ABCB9: variants seen among roughly 807,000 people sequenced by gnomAD.
ABCB9 encodes the protein ATP binding cassette subfamily B member 9.
ABCB9 carries 36 observed loss-of-function variants against 62.0 expected under a neutral mutation model. That is an observed-to-expected ratio of 0.58 (90% CI 0.45 to 0.77). The LOEUF is 0.77. Ranked by LOEUF, ABCB9 falls within the 30% of genes least tolerant of loss-of-function variation. The probability of loss-of-function intolerance (pLI) is 0.00; values close to 1 mark genes in which losing one functional copy is unlikely to be tolerated. For missense variants in ABCB9, 943 were observed against 1,054.7 expected (o/e 0.89, Z 1.47); for synonymous variants, 435 against 461.4 (o/e 0.94, Z 0.73).
At chr12:122,931,684 C>G (rs1468614666) in intron 11 of ABCB9, 1 of 161,010 alleles carries the variant, frequency 6.2e-6, no homozygotes, top group Non-Finnish European at 1.4e-5. Context: ...GGCTCTGTCG[C>G]CCAGGCTGGA....
chr12:122,922,356 T>A (rs984035023), intron 11 of ABCB9, among the ~76,000 whole-genome samples: 6 of 152,126 alleles, frequency 3.9e-5, no homozygotes, highest in African/African-American at 1.2e-4. Flanking sequence ...TCTTTTTAAT[T>A]TTTTTATTTT....
chr12:122,934,998 A>G lies in ABCB9; in HGVS notation c.1903+274T>C, dbSNP rs1220047187. 2.6e-5 allele frequency among the ~76,000 whole-genome samples: 4 copies of G among 152,006 alleles called. No individual in the cohort carries two copies. In the South Asian group the frequency reaches 6.2e-4, roughly 24 times the overall value. On this transcript the variant is annotated intron_variant, in intron 10 of 11. Transcript: ENST00000280560. ...TCTACTTCCTCTTTTTCCCAGCAGC[A>G]TAATATTCCAGTGTATGGGCTTCTA...
chr12:122,961,804 T>C lies in ABCB9; in HGVS notation c.-87-1482A>G, dbSNP rs148377861. 4.9e-3 allele frequency among the ~76,000 whole-genome samples: 745 copies of C among 152,344 alleles called. 22 individuals carry two copies. The highest frequency in any genetic ancestry group is 0.045 in the Admixed American group (684 of 15,294). On this transcript the variant is annotated intron_variant, in intron 1 of 11. Transcript: ENST00000280560. ...TCATTTCTCTGAACCTGTTTCCTCATTTGCAAAATGTGAGTGTGAGGTTCA... is the reference window on the plus strand; with the variant it reads ...TCATTTCTCTGAACCTGTTTCCTCACTTGCAAAATGTGAGTGTGAGGTTCA...
chr12:122,965,121 C>A (rs531162209), intron 1 of ABCB9, among the ~76,000 whole-genome samples: 1 of 152,270 alleles, frequency 6.6e-6, no homozygotes, highest in Admixed American at 6.5e-5. Flanking sequence ...CCTGGGAGGA[C>A]CCTGTGGTCA....
At chr12:122,957,689 A>G (rs1225279143) in intron 2 of ABCB9, among the ~76,000 whole-genome samples, 7 of 143,274 alleles carry the variant, frequency 4.9e-5, no homozygotes, top group Non-Finnish European at 9.2e-5. Context: ...TTGGTCTCAA[A>G]CTGCTGAGAG....
At chr12:122,931,010 T>G (rs2035125782) in intron 11 of ABCB9, among the ~76,000 whole-genome samples, 1 of 152,100 alleles carries the variant, frequency 6.6e-6, no homozygotes, top group Non-Finnish European at 1.5e-5. Context: ...ATCCCCATTC[T>G]GTTTTTTGTT....
downstream of ABCB9, among the ~76,000 whole-genome samples, chr12:122,920,338 C>A (rs931278455): frequency 6.8e-6 from 1 of 147,692 alleles, no homozygotes; most frequent in East Asian, 2.0e-4. Flanking sequence ...GTGCAACAAG[C>A]AGCCCTTAGT....
In ABCB9 at chr12:122,930,460, T is replaced by C. The variant is rs1254531200; in HGVS notation, c.2041-289A>G. On this transcript the variant is annotated intron_variant, in intron 11 of 11. Transcript: ENST00000280560. This position sits in a 1 kb window ranked among gnomAD's most constrained non-coding sequence, Gnocchi z 4.9. ...AGTCTTGCTGTCACCCAGGCTGGAGTGCGGTGGTGCGATCTCAGCTCACTG... is the reference window on the plus strand; with the variant it reads ...AGTCTTGCTGTCACCCAGGCTGGAGCGCGGTGGTGCGATCTCAGCTCACTG... Among the ~76,000 whole-genome samples the C allele has an allele frequency of 7.0e-6, 1 of 143,708 alleles. No homozygotes were observed. Among genetic ancestry groups the C allele is most frequent in the South Asian group, 2.2e-4 (1 of 4,560 alleles). 94.3% of individuals were successfully genotyped at this position (143,708 alleles called of 152,430 possible). A position where few individuals can be genotyped will look rare whatever the true frequency, so the allele number is the denominator to read the frequency against.
In ABCB9 at chr12:122,940,708, T is replaced by C. The variant is rs2035709465; in HGVS notation, c.1569+99A>G. ...TGGAGGGCAATGATCTTGCCTGACATATTCCCAGCTGCCCTGCCACAGCCT... is the reference window on the plus strand; with the variant it reads ...TGGAGGGCAATGATCTTGCCTGACACATTCCCAGCTGCCCTGCCACAGCCT... On this transcript the variant is annotated intron_variant, in intron 8 of 11. Coordinates refer to ENST00000280560, the MANE Select transcript of ABCB9 (RefSeq NM_019625.4). This position sits in a 1 kb window ranked among gnomAD's most constrained non-coding sequence, Gnocchi z 4.8. 56 of 1,394,962 alleles carry C rather than the reference T, an allele frequency of 4.0e-5. 1 individual carries two copies. The South Asian group carries it at 8.1e-4, about 20-fold the overall frequency. The allele number at this position is 1,394,962 out of a possible 1,614,324, so 86.4% of individuals were successfully genotyped here.
intron 11 of ABCB9, among the ~76,000 whole-genome samples, chr12:122,922,998 T>TG (rs1035089182): frequency 2.0e-5 from 3 of 152,038 alleles, no homozygotes; most frequent in Non-Finnish European, 2.9e-5. Flanking sequence ...TTAGTAGAGA[T>TG]GGGGTCTCAC....
rs2034992323 is a variant in ABCB9 at position 122,928,994 on chromosome 12, A to G, written c.*917T>C. The G allele has an allele frequency of 1.0e-6, 1 of 985,872 alleles. No individual in the cohort carries two copies. Among genetic ancestry groups the G allele is most frequent in the East Asian group, 1.1e-4 (1 of 8,800 alleles). The allele number at this position is 985,872 out of a possible 1,614,324, so 61.1% of individuals were successfully genotyped here. ...TTGGCCCAAGTAGAAGTCAGAGGTT[A>G]GGGGTAAGAGGTAGTACACTTTATT... On this transcript the variant is annotated 3_prime_UTR_variant, in exon 12 of 12. Coordinates refer to ENST00000280560, the MANE Select transcript of ABCB9 (RefSeq NM_019625.4).
intron 4 of ABCB9, 49 bp downstream of exon 4, chr12:122,949,739 A>C (rs1195432774): frequency 1.2e-6 from 2 of 1,608,440 alleles, no homozygotes; most frequent in African/African-American, 2.7e-5. Context: ...GCAAGCCCAC[A>C]GGGGTGGGGC....
chr12:122,973,350 G>A (rs1367030257), intron 1 of ABCB9: 3 of 151,288 alleles, frequency 2.0e-5, no homozygotes, highest in Non-Finnish European at 4.4e-5. Context: ...GGATCATGAG[G>A]TCAGGAGATC....
At chr12:122,939,977 G>T in intron 9 of ABCB9, 134 bp downstream of exon 9, 1 of 1,157,710 alleles carries the variant, frequency 8.6e-7, no homozygotes, top group Non-Finnish European at 1.2e-6. Context: ...CTCTAGGAGG[G>T]CATTGTAATT....
chr12:122,971,034 G>A (rs1371353376), upstream of ABCB9, among the ~76,000 whole-genome samples: 1 of 152,136 alleles, frequency 6.6e-6, no homozygotes, highest in Non-Finnish European at 1.5e-5. Context: ...AGTAGGCAGG[G>A]CACAGAGGAT....
At chr12:122,956,771 C>T (rs1296816972) in intron 2 of ABCB9, among the ~76,000 whole-genome samples, 6 of 152,196 alleles carry the variant, frequency 3.9e-5, no homozygotes, top group African/African-American at 1.2e-4. Context: ...CCACTTGCCT[C>T]GGCCTCCCAA....
At chr12:122,960,674 T>C (rs2036844420) in intron 1 of ABCB9, among the ~76,000 whole-genome samples, 1 of 150,564 alleles carries the variant, frequency 6.6e-6, no homozygotes, top group Non-Finnish European at 1.5e-5. Flanking sequence ...GGTCAGGAGT[T>C]GAAGACCAGC....
chr12:122,945,810 G>A lies in ABCB9; in HGVS notation c.1251+215C>T, dbSNP rs373478454. ...GGAGAATCGCTTGAACCCAGGAGGC[G>A]GAGGTTGCAGTGAGCTGAGATGGTG... On this transcript the variant is annotated intron_variant, in intron 6 of 11. Coordinates refer to ENST00000280560, the MANE Select transcript of ABCB9 (RefSeq NM_019625.4). Among the ~76,000 whole-genome samples, 10 of 151,372 alleles carry A rather than the reference G, an allele frequency of 6.6e-5. No homozygotes were observed. The East Asian group carries it at 1.7e-3, about 26-fold the overall frequency.
chr12:122,973,589 A>AC (rs1566206670), intron 1 of ABCB9, among the ~76,000 whole-genome samples: 3 of 142,656 alleles, frequency 2.1e-5, no homozygotes, highest in Admixed American at 7.0e-5. Context: ...AAAAAAAAAA[A>AC]AAAAAAAAAA....
Sources: allele counts gnomAD v4.1 joint callset (sites outside exome capture counted in the v4.1 genomes callset), GRCh38; gene constraint gnomAD v4.1.1; non-coding constraint Gnocchi (gnomAD v3.1); transcripts MANE v1.5; gene names NCBI Gene and HGNC (gene_info 2026-07-23, HGNC 2026-07-21).